The following TRIP12 variants were observed in gnomAD, a reference collection of about 807,000 sequenced individuals.
TRIP12 encodes the protein thyroid hormone receptor interactor 12, also known as E3 ubiquitin-protein ligase TRIP12.
A neutral mutation model predicts 244.2 loss-of-function variants in TRIP12; 25 were observed. That is an observed-to-expected ratio of 0.10 (90% CI 0.07 to 0.14). TRIP12 has a LOEUF of 0.14. Among genes scored for constraint, TRIP12 ranks in the 10% least tolerant of loss-of-function variants. The pLI, the probability that TRIP12 is intolerant of heterozygous loss-of-function variation, is 1.00. For missense variants in TRIP12, 1,677 were observed against 2,486.4 expected, an observed-to-expected ratio of 0.67 and a Z score of 6.92; for synonymous variants, 905 against 873.1, an observed-to-expected ratio of 1.04 and a Z score of -0.64.
chr2:229,768,712 C>T lies in TRIP12; in HGVS notation c.5911G>A (p.Val1971Met). 1 of 1,605,838 alleles carries T rather than the reference C, an allele frequency of 6.2e-7. No individual in the cohort carries two copies. The highest frequency in any genetic ancestry group is 8.5e-7 in the Non-Finnish European group (1 of 1,178,094). ...CTGAGAATCTCAAACAAAAACTTCA[C>T]AGCCCGACTATAACAGAAATAAATA... ...DHGYTHDSRA[V>M]KFLFEILSSF... The change falls in exon 41 of 42, where the codon GTG (valine) becomes ATG (methionine). Residue 1971 changes from valine to methionine, a missense_variant. Around this residue, in one of 11 missense-constraint regions of TRIP12, gnomAD observed 171 missense variants for 388.4 expected, o/e 0.44. Coordinates refer to ENST00000675903, the MANE Select transcript of TRIP12 (RefSeq NM_001348323.3).
chr2:229,839,603 C>T (rs1291523702), intron 5 of TRIP12, among the ~76,000 whole-genome samples: 5 of 151,352 alleles, frequency 3.3e-5, no homozygotes, highest in Non-Finnish European at 2.9e-5. Flanking sequence ...GGCGTGAACC[C>T]GGGAGGCAGA....
intron 26 of TRIP12, among the ~76,000 whole-genome samples, chr2:229,793,519 A>G (rs938363365): frequency 1.3e-5 from 2 of 152,036 alleles, no homozygotes; most frequent in African/African-American, 4.8e-5. Context: ...TTCCTATTGA[A>G]TTATATTTTT....
chr2:229,828,179 C>T lies in TRIP12; in HGVS notation c.1450+1014G>A, dbSNP rs561073657. On this transcript the variant is annotated intron_variant, in intron 8 of 41. Coordinates refer to ENST00000675903, the MANE Select transcript of TRIP12 (RefSeq NM_001348323.3). ...AAATAAAGATTAAATATGAAGTAGGCACTGTTGAAGCTGGGTCATGGGCAC... is the reference window on the plus strand; with the variant it reads ...AAATAAAGATTAAATATGAAGTAGGTACTGTTGAAGCTGGGTCATGGGCAC... 2.0e-5 allele frequency among the ~76,000 whole-genome samples: 3 copies of T among 152,202 alleles called. No homozygotes were observed. The East Asian group carries it at 5.8e-4, about 29-fold the overall frequency.
intron 8 of TRIP12, among the ~76,000 whole-genome samples, chr2:229,821,027 G>T (rs575096164): frequency 5.6e-4 from 86 of 152,292 alleles, no homozygotes; most frequent in African/African-American, 1.9e-3. Context: ...AGAGTCAACT[G>T]TATATAGAAA....
chr2:229,919,464 AT>A (rs2076098814), intron 1 of TRIP12, among the ~76,000 whole-genome samples: 1 of 152,140 alleles, frequency 6.6e-6, no homozygotes, highest in Non-Finnish European at 1.5e-5. Context: ...GGAATCATAC[AT>A]TACTACAAAT....
intron 4 of TRIP12, among the ~76,000 whole-genome samples, chr2:229,845,422 T>A (rs922443647): frequency 6.6e-6 from 1 of 152,084 alleles, no homozygotes; most frequent in Admixed American, 6.5e-5. Flanking sequence ...TTCCAGAAAG[T>A]CATAATAAAT....
At chr2:229,889,485 G>GC (rs1256016601) in intron 1 of TRIP12, among the ~76,000 whole-genome samples, 3 of 152,154 alleles carry the variant, frequency 2.0e-5, no homozygotes, top group African/African-American at 7.2e-5. Flanking sequence ...CACACAGACA[G>GC]CAACTTTTAG....
chr2:229,868,135 G>A (rs2061897886), intron 2 of TRIP12, among the ~76,000 whole-genome samples: 2 of 152,248 alleles, frequency 1.3e-5, no homozygotes, highest in South Asian at 4.1e-4. Flanking sequence ...AATTAGAGCA[G>A]TAAGATTTAC....
At position 229,765,990 on chromosome 2, in the gene TRIP12, A is replaced by G. The variant is rs2031596774; in HGVS notation, c.*1564T>C. The G allele has an allele frequency of 6.6e-6, 1 of 152,176 alleles. No homozygotes were observed. The highest frequency in any genetic ancestry group is 2.1e-4 in the South Asian group (1 of 4,828). 9.4% of individuals were successfully genotyped at this position (152,176 alleles called of 1,614,324 possible). ...CCATTTAAGTGTAAATTGACACAGC[A>G]ATCTATGTCAAACAAGCCACTGAGT... On this transcript the variant is annotated 3_prime_UTR_variant, in exon 42 of 42. Transcript: ENST00000675903.
At chr2:229,779,818 A>G (rs2037504884) in intron 34 of TRIP12, among the ~76,000 whole-genome samples, 1 of 151,934 alleles carries the variant, frequency 6.6e-6, no homozygotes, top group African/African-American at 2.4e-5. Flanking sequence ...AAGTGAAACT[A>G]CTCCTCCATG....
chr2:229,865,543 TATTAC>T (rs1425043239), intron 2 of TRIP12, among the ~76,000 whole-genome samples: 1 of 148,730 alleles, frequency 6.7e-6, no homozygotes, highest in Non-Finnish European at 1.5e-5. Flanking sequence ...TATATGCATG[TATTAC>T]ATAATATACA....
intron 21 of TRIP12, among the ~76,000 whole-genome samples, 196 bp downstream of exon 21, chr2:229,802,056 T>C (rs555087072): frequency 2.0e-5 from 3 of 152,192 alleles, no homozygotes; most frequent in Non-Finnish European, 4.4e-5. Context: ...AACTAATCTC[T>C]TACAGTTCCT....
chr2:229,768,337 A>G (rs1028277745), intron 41 of TRIP12, among the ~76,000 whole-genome samples: 8 of 152,228 alleles, frequency 5.3e-5, no homozygotes, highest in African/African-American at 1.9e-4. Flanking sequence ...AGATTTTAGA[A>G]TCCATTCTCA....
At chr2:229,829,566 G>C (rs2052731961) in intron 7 of TRIP12, among the ~76,000 whole-genome samples, 2 of 152,170 alleles carry the variant, frequency 1.3e-5, no homozygotes, top group South Asian at 4.1e-4. Context: ...TTTTCTGTAT[G>C]ACATTATTTC....
chr2:229,841,857 CTCCTTTGTG>C (rs950482820), intron 4 of TRIP12, among the ~76,000 whole-genome samples: 46 of 152,262 alleles, frequency 3.0e-4, no homozygotes, highest in African/African-American at 9.4e-4. Context: ...CAATTCTTTA[CTCCTTTGTG>C]GAAAAGCAGC....
chr2:229,787,652 GA>G lies in TRIP12; in HGVS notation c.4847del (p.Phe1616SerfsTer13). On this transcript the variant is annotated frameshift_variant, in exon 33 of 42. Transcript: ENST00000675903. LOFTEE classifies it high-confidence loss of function. Reference protein sequence around the residue: ...LTELGKTCPFFFPFDTRQMLF... With the variant: ...LTELGKTCPFXFPFDTRQMLF... ...GCATTTGCCGGGTATCAAAAGGAAA[GA>G]AAAATGGGCTGTAAAAAGATGCAAT... The G allele has an allele frequency of 6.2e-7, 1 of 1,600,448 alleles. No individual in the cohort carries two copies. Among genetic ancestry groups the G allele is most frequent in the Admixed American group, 1.7e-5 (1 of 57,968 alleles).
chr2:229,922,253 G>C (rs2154386181), upstream of TRIP12: 1 of 496,690 alleles, frequency 2.0e-6, no homozygotes, highest in East Asian at 3.6e-5. Flanking sequence ...AGATCTACTT[G>C]GTATCCCTCC....
chr2:229,805,992 GT>G, intron 17 of TRIP12, 109 bp from the exon 18 acceptor site: 2 of 853,560 alleles, frequency 2.3e-6, no homozygotes, highest in Non-Finnish European at 1.7e-6. Context: ...ATTTCAACAG[GT>G]TTTAGATGGT....
At chr2:229,850,738 G>A (rs1297940723) in intron 4 of TRIP12, among the ~76,000 whole-genome samples, 3 of 152,236 alleles carry the variant, frequency 2.0e-5, no homozygotes, top group Middle Eastern at 3.2e-3. Flanking sequence ...GAGTGGGAAC[G>A]GGGGCTGCAC....
Sources: allele counts gnomAD v4.1 joint callset (sites outside exome capture counted in the v4.1 genomes callset), GRCh38; gene constraint gnomAD v4.1.1; regional missense constraint gnomAD v4.1.1; transcripts MANE v1.5; gene names NCBI Gene and HGNC (gene_info 2026-07-23, HGNC 2026-07-21).